MAD1L1: variants seen among roughly 807,000 people sequenced by gnomAD.
MAD1L1 encodes the protein mitotic arrest deficient 1 like 1.
MAD1L1 carries 95 observed loss-of-function variants against 96.9 expected under a neutral mutation model. The ratio of observed to expected loss-of-function variants is 0.98; its 90% CI spans 0.83 to 1.16. The LOEUF (loss-of-function observed/expected upper bound fraction) is 1.16, where lower values mean the gene tolerates loss of function less well. Ranked by LOEUF, MAD1L1 falls within the 50% of genes most tolerant of loss-of-function variation. The pLI is 0.00. For synonymous variants in MAD1L1, 473 were observed against 396.6 expected (o/e 1.19, Z -2.29); for missense variants, 1,007 against 954.4 (o/e 1.06, Z -0.73).
chr7:1,887,251 G>A (rs56821732), intron 18 of MAD1L1, among the ~76,000 whole-genome samples: 1 of 151,884 alleles, frequency 6.6e-6, no homozygotes, highest in Non-Finnish European at 1.5e-5. Flanking sequence ...GGGTGGCTGT[G>A]CATGTGTGGG....
chr7:2,191,099 G>A (rs561995783), intron 10 of MAD1L1, among the ~76,000 whole-genome samples: 4 of 152,334 alleles, frequency 2.6e-5, no homozygotes, highest in African/African-American at 9.6e-5. Context: ...AAGGACAACC[G>A]ATACAAGCAA....
chr7:2,017,210 A>T (rs955902776), intron 12 of MAD1L1, among the ~76,000 whole-genome samples: 4 of 152,236 alleles, frequency 2.6e-5, no homozygotes, highest in Non-Finnish European at 2.9e-5. Flanking sequence ...ACCTGCGGGC[A>T]AGTCCACTTC....
At chr7:2,099,564 G>A (rs575703132) in intron 11 of MAD1L1, among the ~76,000 whole-genome samples, 15 of 152,298 alleles carry the variant, frequency 9.8e-5, no homozygotes, top group African/African-American at 3.4e-4. Context: ...CTAACAACCC[G>A]CCACCCAGAG....
At chr7:1,932,684 G>A (rs1232212613) in intron 17 of MAD1L1, among the ~76,000 whole-genome samples, 5 of 152,232 alleles carry the variant, frequency 3.3e-5, no homozygotes, top group Admixed American at 6.5e-5. Flanking sequence ...CACACTGTGC[G>A]GGTCTATCCC....
In MAD1L1 at chr7:1,957,664, T is replaced by C. The variant is rs1426232657; in HGVS notation, c.1561A>G (p.Met521Val). 2 of 1,613,960 alleles carry C rather than the reference T, an allele frequency of 1.2e-6. No homozygotes were observed. Among genetic ancestry groups the C allele is most frequent in the African/African-American group, 1.3e-5 (1 of 74,926 alleles). Residue 521 changes from methionine (M) to valine (V), a missense_variant, in exon 16 of 19, where the codon ATG (methionine) becomes GTG (valine). By Grantham distance (21) the Met-to-Val change is conservative. Coordinates refer to ENST00000265854, the MANE Select transcript of MAD1L1 (RefSeq NM_001013836.2). The stretch of plus-strand genomic sequence containing the variant: ...CGCCGCTCCAGCTGTGCCTCCAGCA[T>C]CCTCTTTTCCTCCTCCAGCCGACTC... ...ERSRLEEEKRMLEAQLERRAL... is the reference protein window; with the variant it reads ...ERSRLEEEKRVLEAQLERRAL...
At chr7:2,213,145 A>T in intron 10 of MAD1L1, 67 bp downstream of exon 10, 1 of 1,536,682 alleles carries the variant, frequency 6.5e-7, no homozygotes, top group Non-Finnish European at 9.0e-7. Context: ...AGCCGGAAGC[A>T]GGCTCTGCTC....
intron 11 of MAD1L1, among the ~76,000 whole-genome samples, chr7:2,135,180 G>C (rs572943722): frequency 6.6e-6 from 1 of 152,236 alleles, no homozygotes; most frequent in Non-Finnish European, 1.5e-5. Context: ...AGGCAAGGCT[G>C]AGCAGAACCT....
intron 12 of MAD1L1, among the ~76,000 whole-genome samples, chr7:2,037,920 T>G (rs930034814): frequency 6.6e-6 from 1 of 152,134 alleles, no homozygotes; most frequent in African/African-American, 2.4e-5. Context: ...TAGAAAGGAT[T>G]AAGCTTAGTG....
intron 12 of MAD1L1, among the ~76,000 whole-genome samples, chr7:2,021,937 G>A (rs1268146659): frequency 6.6e-6 from 1 of 151,776 alleles, no homozygotes; most frequent in African/African-American, 2.4e-5. Flanking sequence ...TAACAAATAA[G>A]GAAAAATAAA....
At chr7:1,889,102 G>A (rs866297145) in intron 18 of MAD1L1, among the ~76,000 whole-genome samples, 65 of 152,328 alleles carry the variant, frequency 4.3e-4, no homozygotes, top group African/African-American at 1.5e-3. Flanking sequence ...CTGTCACCAC[G>A]ACCCTTGGGC....
rs530778678 is a variant in MAD1L1 at position 2,122,596 on chromosome 7, T to C, written c.1073+26556A>G. Among the ~76,000 whole-genome samples the C allele has an allele frequency of 4.0e-5, 6 of 151,308 alleles. 1 individual carries two copies. Among genetic ancestry groups the C allele is most frequent in the African/African-American group, 1.5e-4 (6 of 41,226 alleles). The stretch of plus-strand genomic sequence containing the variant: ...CAGCCTGGGCGACAGAGCGAGACTC[T>C]GTTTCAAAAAAAAAAACAGCCAATC... On this transcript the variant is annotated intron_variant, in intron 11 of 18. Coordinates refer to ENST00000265854, the MANE Select transcript of MAD1L1 (RefSeq NM_001013836.2).
chr7:1,998,574 G>A (rs1781656772), intron 14 of MAD1L1, among the ~76,000 whole-genome samples: 1 of 152,190 alleles, frequency 6.6e-6, no homozygotes, highest in African/African-American at 2.4e-5. Flanking sequence ...GGCATCTTCA[G>A]ATGGGAGCAT....
intron 17 of MAD1L1, among the ~76,000 whole-genome samples, chr7:1,906,998 G>A (rs568480410): frequency 1.2e-4 from 19 of 152,252 alleles, no homozygotes; most frequent in African/African-American, 3.6e-4. Context: ...AAGGCAGGCC[G>A]AAGAGAGGCC....
At chr7:1,996,725 A>G (rs6957447) in intron 14 of MAD1L1, among the ~76,000 whole-genome samples, 150,474 of 152,336 alleles carry the variant, frequency 0.99, 74,342 homozygotes, top group East Asian at 1. Flanking sequence ...AGGAGCAGGC[A>G]CAGAGGGGCC....
intron 18 of MAD1L1, among the ~76,000 whole-genome samples, chr7:1,857,875 G>A (rs1227897462): frequency 6.6e-6 from 1 of 152,196 alleles, no homozygotes; most frequent in Admixed American, 6.5e-5. Flanking sequence ...GGGACCTCCA[G>A]GCTGGGGGCC....
chr7:1,989,136 G>A (rs1022412238), intron 14 of MAD1L1, among the ~76,000 whole-genome samples: 1 of 152,260 alleles, frequency 6.6e-6, no homozygotes, highest in Non-Finnish European at 1.5e-5. Flanking sequence ...GATAAGCACA[G>A]GGTGAAGTTC....
At chr7:2,123,676 G>A (rs1055221366) in intron 11 of MAD1L1, among the ~76,000 whole-genome samples, 1 of 152,210 alleles carries the variant, frequency 6.6e-6, no homozygotes, top group African/African-American at 2.4e-5. Context: ...ACCAGGAAGC[G>A]AGTCGGAGGC....
At chr7:2,098,808 G>T (rs557321783) in intron 11 of MAD1L1, among the ~76,000 whole-genome samples, 1 of 152,200 alleles carries the variant, frequency 6.6e-6, no homozygotes, top group African/African-American at 2.4e-5. Flanking sequence ...CACGCACCAA[G>T]GCCCGGCGTC....
chr7:1,919,488 G>A (rs549986430), intron 17 of MAD1L1, among the ~76,000 whole-genome samples: 2 of 152,360 alleles, frequency 1.3e-5, no homozygotes, highest in South Asian at 2.1e-4. Flanking sequence ...AGGGAGGACC[G>A]CACTGGGGAA....
Sources: allele counts gnomAD v4.1 joint callset (sites outside exome capture counted in the v4.1 genomes callset), GRCh38; gene constraint gnomAD v4.1.1; transcripts MANE v1.5; gene names NCBI Gene and HGNC (gene_info 2026-07-23, HGNC 2026-07-21).